The following TTBK2 variants were observed in gnomAD, a reference collection of about 807,000 sequenced individuals.
TTBK2 encodes the protein tau tubulin kinase 2.
A neutral mutation model predicts 110.8 loss-of-function variants in TTBK2; 28 were observed. The observed-to-expected ratio is 0.25, with a 90% CI of 0.19 to 0.35. The LOEUF is 0.35. Ranked by LOEUF, TTBK2 falls within the 10% of genes least tolerant of loss-of-function variation. TTBK2 has a pLI of 1.00. For missense variants in TTBK2, 1,369 were observed against 1,500.3 expected, an observed-to-expected ratio of 0.91 and a Z score of 1.45; for synonymous variants, 532 against 527.3, an observed-to-expected ratio of 1.01 and a Z score of -0.12.
intron 1 of TTBK2, among the ~76,000 whole-genome samples, chr15:42,915,969 G>T (rs2031062824): frequency 6.6e-6 from 1 of 152,078 alleles, no homozygotes; most frequent in South Asian, 2.1e-4. Flanking sequence ...CAGAGGTTTT[G>T]TGTGGGTGAG....
rs971115720 is a variant in TTBK2, at chr15:42,777,052, G to C, written c.1388C>G (p.Thr463Ser). The C allele has an allele frequency of 6.2e-7, 1 of 1,614,116 alleles. No homozygotes were observed. Residue 463 changes from threonine to serine, a missense_variant, in exon 12 of 15, where the codon ACT becomes AGT. By Grantham distance (58) the Thr-to-Ser change is moderately conservative (BLOSUM62 1). Transcript: ENST00000267890. ...ATACCAGGTCTCAAGGAACTTGTCA[G>C]TGTCTGGCTTTGGCTCCAGGGTCAG... ...KRLTLEPKPD[T>S]DKFLETCLEK...
Position 42,743,960 on chromosome 15 carries a change from A to G in TTBK2, c.*1835T>C, listed in dbSNP as rs1253869576. The G allele has an allele frequency of 1.3e-5, 2 of 149,982 alleles. No homozygotes were observed. The highest frequency in any genetic ancestry group is 6.6e-5 in the Admixed American group (1 of 15,172). The allele number at this position is 149,982 out of a possible 1,614,324, so 9.3% of individuals were successfully genotyped here. A position where few individuals can be genotyped will look rare whatever the true frequency, so the allele number is the denominator to read the frequency against. On this transcript the variant is annotated 3_prime_UTR_variant, in exon 15 of 15. Coordinates refer to ENST00000267890, the MANE Select transcript of TTBK2 (RefSeq NM_173500.4). The stretch of plus-strand genomic sequence containing the variant: ...ATGGAGAATGACAAAGAATGACTCT[A>G]TATAAGGATATGTCTCTCTATATAT...
intron 3 of TTBK2, among the ~76,000 whole-genome samples, chr15:42,853,876 G>A (rs866539273): frequency 2.0e-5 from 3 of 150,214 alleles, no homozygotes; most frequent in African/African-American, 5.0e-5. Context: ...TGAAGGCTCC[G>A]TCTCAAAAAA....
At chr15:42,812,615 A>C (rs904790896) in intron 7 of TTBK2, among the ~76,000 whole-genome samples, 2 of 152,200 alleles carry the variant, frequency 1.3e-5, no homozygotes, top group African/African-American at 4.8e-5. Context: ...AAATTTATAA[A>C]GTATATTAAT....
At chr15:42,841,353 G>T (rs915424319) in intron 3 of TTBK2, among the ~76,000 whole-genome samples, 5 of 152,130 alleles carry the variant, frequency 3.3e-5, no homozygotes, top group Non-Finnish European at 5.9e-5. Context: ...GGGACTAGAG[G>T]TGTGTGCCAC....
chr15:42,826,524 T>G (rs1029141367), intron 6 of TTBK2, among the ~76,000 whole-genome samples: 1 of 152,200 alleles, frequency 6.6e-6, no homozygotes, highest in African/African-American at 2.4e-5. Context: ...GATGTGTAAA[T>G]AGACTGTAAA....
At position 42,777,352 on chromosome 15, in the gene TTBK2, G is replaced by T. The variant is rs1445037242; in HGVS notation, c.1198-110C>A. 3 of 1,151,414 alleles carry T rather than the reference G, an allele frequency of 2.6e-6. No individual in the cohort carries two copies. The East Asian group carries it at 7.7e-5, about 29-fold the overall frequency. 71.3% of individuals were successfully genotyped at this position (1,151,414 alleles called of 1,614,324 possible). A position where few individuals can be genotyped will look rare whatever the true frequency, so the allele number is the denominator to read the frequency against. On this transcript the variant is annotated intron_variant, in intron 11 of 14. Transcript: ENST00000267890. ...AAATAAATGATTAGATGTGTTTTCAGATGATTAGGATATTTTGGCTAGTTT... is the reference window on the plus strand; with the variant it reads ...AAATAAATGATTAGATGTGTTTTCATATGATTAGGATATTTTGGCTAGTTT...
intron 9 of TTBK2, chr15:42,802,520 G>A: frequency 3.6e-5 from 16 of 449,170 alleles, no homozygotes; most frequent in South Asian, 1.5e-4. Context: ...TAGCAACATT[G>A]GTAAAGAAAA....
At chr15:42,791,090 T>C (rs1018905740) in intron 10 of TTBK2, among the ~76,000 whole-genome samples, 1 of 152,164 alleles carries the variant, frequency 6.6e-6, no homozygotes, top group Non-Finnish European at 1.5e-5. Context: ...GGTTTCACTG[T>C]GTTAGCCAGG....
At chr15:42,811,806 C>A in intron 7 of TTBK2, 26 bp from the exon 8 acceptor site, 3 of 1,597,432 alleles carry the variant, frequency 1.9e-6, no homozygotes, top group South Asian at 2.2e-5. Flanking sequence ...AGAATCCAGT[C>A]ACATAACATT....
chr15:42,898,706 T>C (rs1460721988), intron 1 of TTBK2, among the ~76,000 whole-genome samples: 1 of 152,264 alleles, frequency 6.6e-6, no homozygotes, highest in East Asian at 1.9e-4. Flanking sequence ...AGGAATGAGA[T>C]GGGCAGTGAA....
chr15:42,908,553 A>T (rs1044500594), intron 1 of TTBK2, among the ~76,000 whole-genome samples: 4 of 152,256 alleles, frequency 2.6e-5, no homozygotes, highest in African/African-American at 9.6e-5. Flanking sequence ...AGGAAGCATT[A>T]TCATAGTTAA....
At chr15:42,814,723 A>T (rs1311981347) in intron 7 of TTBK2, among the ~76,000 whole-genome samples, 1 of 152,246 alleles carries the variant, frequency 6.6e-6, no homozygotes, top group Admixed American at 6.5e-5. Flanking sequence ...CAACTGTGGA[A>T]GTTCCAAGAG....
chr15:42,838,193 C>T (rs1453182770), intron 4 of TTBK2, among the ~76,000 whole-genome samples: 3 of 151,314 alleles, frequency 2.0e-5, no homozygotes, highest in Non-Finnish European at 2.9e-5. Flanking sequence ...GGTGATAGAG[C>T]GAGACTCTGT....
intron 13 of TTBK2, among the ~76,000 whole-genome samples, chr15:42,759,158 T>C (rs944203459): frequency 1.3e-5 from 2 of 152,216 alleles, no homozygotes; most frequent in African/African-American, 2.4e-5. Context: ...CAGCTGTGAT[T>C]TGAGTCCTGC....
chr15:42,827,755 C>G (rs1451352702), intron 6 of TTBK2, among the ~76,000 whole-genome samples, 173 bp downstream of exon 6: 1 of 151,930 alleles, frequency 6.6e-6, no homozygotes, highest in East Asian at 1.9e-4. Flanking sequence ...TTTTTTGAAG[C>G]CACAAATTTC....
intron 6 of TTBK2, among the ~76,000 whole-genome samples, chr15:42,819,750 A>G (rs1263178287): frequency 1.3e-5 from 2 of 152,216 alleles, no homozygotes; most frequent in Non-Finnish European, 2.9e-5. Context: ...TTAGAAGAAA[A>G]TTGTCTAAGA....
intron 3 of TTBK2, among the ~76,000 whole-genome samples, chr15:42,852,725 T>C (rs1016617186): frequency 6.6e-6 from 1 of 152,146 alleles, no homozygotes; most frequent in African/African-American, 2.4e-5. Context: ...TGTTACATCT[T>C]CCAAGGAGAA....
At chr15:42,868,142 G>T (rs1052195675) in intron 3 of TTBK2, among the ~76,000 whole-genome samples, 1 of 152,144 alleles carries the variant, frequency 6.6e-6, no homozygotes, top group African/African-American at 2.4e-5. Flanking sequence ...AGTGCACAGA[G>T]GATTTTTAGG....
Sources: allele counts gnomAD v4.1 joint callset (sites outside exome capture counted in the v4.1 genomes callset), GRCh38; gene constraint gnomAD v4.1.1; transcripts MANE v1.5; gene names NCBI Gene and HGNC (gene_info 2026-07-23, HGNC 2026-07-21).